Variants in GRIN2B observed in about 807,000 individuals in gnomAD.
The protein encoded by GRIN2B is glutamate receptor ionotropic, NMDA 2B.
GRIN2B carries 5 observed loss-of-function variants against 114.5 expected under a neutral mutation model. That is an observed-to-expected ratio of 0.04 (90% CI 0.02 to 0.09). The LOEUF (loss-of-function observed/expected upper bound fraction) is 0.09, where lower values mean the gene tolerates loss of function less well. Ranked by LOEUF, GRIN2B falls within the 10% of genes least tolerant of loss-of-function variation. GRIN2B has a pLI of 1.00. For synonymous variants in GRIN2B, 787 were observed against 745.1 expected (o/e 1.06, Z -0.92); for missense variants, 1,108 against 1,943.5 (o/e 0.57, Z 8.08).
At chr12:13,661,958 G>A (rs1949927940) in intron 5 of GRIN2B, among the ~76,000 whole-genome samples, 1 of 152,074 alleles carries the variant, frequency 6.6e-6, no homozygotes, top group Non-Finnish European at 1.5e-5. Flanking sequence ...CCCTCACCAG[G>A]TCCCATGTTG....
intron 4 of GRIN2B, among the ~76,000 whole-genome samples, chr12:13,713,788 T>A (rs957917101): frequency 2.0e-5 from 3 of 151,858 alleles, no homozygotes; most frequent in African/African-American, 7.2e-5. Context: ...GTCTACAAGA[T>A]GTTTCCTTCT....
intron 5 of GRIN2B, among the ~76,000 whole-genome samples, chr12:13,669,074 G>T (rs1950001468): frequency 6.6e-6 from 1 of 151,826 alleles, no homozygotes; most frequent in Non-Finnish European, 1.5e-5. Context: ...ATTGTTGCTT[G>T]CACGGGACTG....
intron 5 of GRIN2B, among the ~76,000 whole-genome samples, chr12:13,642,104 G>A (rs577160411): frequency 4.6e-5 from 7 of 152,020 alleles, no homozygotes; most frequent in Admixed American, 6.6e-5. Flanking sequence ...CACAAGAATC[G>A]CTTTAATCCA....
At chr12:13,629,445 C>A (rs1005062292) in intron 5 of GRIN2B, among the ~76,000 whole-genome samples, 2 of 152,152 alleles carry the variant, frequency 1.3e-5, no homozygotes, top group Non-Finnish European at 2.9e-5. Context: ...GGTTTCCCCA[C>A]CTCCATTCAT....
rs1310765189 is a variant in GRIN2B at position 13,819,387 on chromosome 12, T to C, written c.411+46411A>G. On this transcript the variant is annotated intron_variant, in intron 3 of 13. Coordinates refer to ENST00000609686, the MANE Select transcript of GRIN2B (RefSeq NM_000834.5). ...AAACAGGGACAATACCACCTCCAGC[T>C]GAGAACCAAAACAAGGTTCTATGCA... is the stretch of plus-strand genomic sequence containing the variant. Among the ~76,000 whole-genome samples the C allele has an allele frequency of 4.0e-5, 5 of 123,552 alleles. No homozygotes were observed. In the Admixed American group the frequency reaches 4.3e-4, roughly 11 times the overall value. The allele number at this position is 123,552 out of a possible 152,430, so 81.1% of individuals were successfully genotyped here.
chr12:13,595,354 T>C (rs1008013452), intron 10 of GRIN2B, among the ~76,000 whole-genome samples: 4 of 152,200 alleles, frequency 2.6e-5, no homozygotes, highest in Non-Finnish European at 5.9e-5. Context: ...TGAGGATCGA[T>C]ACATTTGTGA....
intron 10 of GRIN2B, among the ~76,000 whole-genome samples, chr12:13,579,600 C>A (rs1948819864): frequency 6.6e-6 from 1 of 152,182 alleles, no homozygotes; most frequent in South Asian, 2.1e-4. Context: ...TCATCTTCAT[C>A]ATCGCCATTG....
chr12:13,888,822 C>A (rs1435480381), intron 2 of GRIN2B, among the ~76,000 whole-genome samples: 1 of 151,556 alleles, frequency 6.6e-6, no homozygotes, highest in Non-Finnish European at 1.5e-5. Flanking sequence ...AGGGCACTTA[C>A]CACGAATGGA....
At chr12:13,834,251 A>G (rs1865212227) in intron 3 of GRIN2B, among the ~76,000 whole-genome samples, 1 of 145,704 alleles carries the variant, frequency 6.9e-6, no homozygotes, top group Admixed American at 7.0e-5. Context: ...GTTAGCCACA[A>G]TGGTCTGGAT....
At chr12:13,887,327 T>C (rs1398962364) in intron 2 of GRIN2B, among the ~76,000 whole-genome samples, 2 of 152,198 alleles carry the variant, frequency 1.3e-5, no homozygotes, top group Admixed American at 1.3e-4. Flanking sequence ...TAAATGTACA[T>C]GCAGCTCAGT....
chr12:13,805,306 G>A (rs989409134), intron 3 of GRIN2B, among the ~76,000 whole-genome samples: 3 of 152,048 alleles, frequency 2.0e-5, no homozygotes, highest in South Asian at 2.1e-4. Context: ...CTACCTCACC[G>A]TATTTCCTAG....
intron 2 of GRIN2B, among the ~76,000 whole-genome samples, chr12:13,945,465 G>A (rs1165261009): frequency 6.6e-6 from 1 of 152,152 alleles, no homozygotes; most frequent in African/African-American, 2.4e-5. Flanking sequence ...TTATTTAGGA[G>A]CTACCTACCG....
At chr12:13,824,420 T>C (rs1263233923) in intron 3 of GRIN2B, among the ~76,000 whole-genome samples, 1 of 152,226 alleles carries the variant, frequency 6.6e-6, no homozygotes, top group Non-Finnish European at 1.5e-5. Flanking sequence ...AAGATGGTTA[T>C]AATATTCTTT....
intron 10 of GRIN2B, among the ~76,000 whole-genome samples, chr12:13,572,470 C>T (rs1806215): frequency 3.3e-5 from 5 of 152,144 alleles, no homozygotes; most frequent in Admixed American, 2.6e-4. Flanking sequence ...ATATGTTTTG[C>T]TAAGAAATTT....
chr12:13,582,260 A>C (rs1948863228), intron 10 of GRIN2B, among the ~76,000 whole-genome samples: 1 of 152,208 alleles, frequency 6.6e-6, no homozygotes, highest in Non-Finnish European at 1.5e-5. Flanking sequence ...TTATTGTTAT[A>C]TTTCATTATA....
chr12:13,829,785 A>C (rs2136701673), intron 3 of GRIN2B, among the ~76,000 whole-genome samples: 1 of 152,326 alleles, frequency 6.6e-6, no homozygotes, highest in Non-Finnish European at 1.5e-5. Flanking sequence ...AGAGAGAAGG[A>C]TAGAAAGATG....
intron 2 of GRIN2B, among the ~76,000 whole-genome samples, chr12:13,867,845 G>C (rs1428182531): frequency 6.6e-6 from 1 of 150,380 alleles, no homozygotes; most frequent in Non-Finnish European, 1.5e-5. Context: ...CAAAGAGAGA[G>C]AGCATACAAT....
intron 8 of GRIN2B, among the ~76,000 whole-genome samples, chr12:13,614,404 G>A (rs956882531): frequency 6.6e-6 from 1 of 152,116 alleles, no homozygotes; most frequent in African/African-American, 2.4e-5. Flanking sequence ...TCAAGGTGAC[G>A]TTTTATTTTC....
chr12:13,861,885 T>C (rs957162482), intron 3 of GRIN2B, among the ~76,000 whole-genome samples: 6 of 152,220 alleles, frequency 3.9e-5, no homozygotes, highest in African/African-American at 1.2e-4. Context: ...GCCTTCAGCT[T>C]CACCTGCTGA....
Sources: gnomAD v4.1 joint callset for allele counts (sites outside exome capture counted in the v4.1 genomes callset) on GRCh38, gnomAD v4.1.1 for gene constraint, MANE v1.5 for transcripts, NCBI Gene and HGNC (gene_info 2026-07-23, HGNC 2026-07-21) for gene names.